Variants in ADAMTS10 observed in about 807,000 individuals in gnomAD.
The protein encoded by ADAMTS10 is ADAM metallopeptidase with thrombospondin type 1 motif 10.
In ADAMTS10, 48 loss-of-function variants were observed where a neutral mutation model predicts 135.9. The ratio of observed to expected loss-of-function variants is 0.35; its 90% confidence interval spans 0.28 to 0.45. The LOEUF is 0.45. Ranked by LOEUF, ADAMTS10 falls within the 20% of genes least tolerant of loss-of-function variation. ADAMTS10 has a pLI of 1.00. For missense variants in ADAMTS10, 1,131 were observed against 1,565.2 expected (o/e 0.72, Z 4.68); for synonymous variants, 621 against 647.5 (o/e 0.96, Z 0.62).
intron 25 of ADAMTS10, among the ~76,000 whole-genome samples, chr19:8,584,154 C>CAAAAAAAAAAAAAAAAAAAAAAA (rs34412373): frequency 6.7e-5 from 3 of 44,888 alleles, no homozygotes; most frequent in Non-Finnish European, 1.2e-4. Context: ...GACTCCATCT[C>CAAAAAAAAAAAAAAAAAAAAAAA]AAAAAAAAAA....
intron 6 of ADAMTS10, among the ~76,000 whole-genome samples, chr19:8,600,586 C>T (rs1302183359): frequency 6.7e-6 from 1 of 150,140 alleles, no homozygotes; most frequent in Non-Finnish European, 1.5e-5. Flanking sequence ...GCAAGCTCTG[C>T]CTCCCAGGTT....
chr19:8,602,546 CCTGACCTCAAGTGAT>C (rs1239003000), intron 5 of ADAMTS10, among the ~76,000 whole-genome samples: 1 of 152,150 alleles, frequency 6.6e-6, no homozygotes, highest in African/African-American at 2.4e-5. Context: ...ATCTCAATCT[CCTGACCTCAAGTGAT>C]CTGCCCATCT....
chr19:8,590,514 A>AATG (rs2042509096), intron 15 of ADAMTS10, among the ~76,000 whole-genome samples: 2 of 151,968 alleles, frequency 1.3e-5, no homozygotes, highest in Non-Finnish European at 2.9e-5. Flanking sequence ...GTTGGAGTGC[A>AATG]GTGACACAAT....
At position 8,605,557 on chromosome 19, in the gene ADAMTS10, T is replaced by G; in HGVS notation, c.88+66A>C. ...CCCAGCCCCCTGATGCCTCTTTCTG[T>G]TGGAGCCCAACTGGTCTCTTACATT... is the stretch of plus-strand genomic sequence containing the variant. On this transcript the variant is annotated intron_variant, in intron 3 of 25. Transcript: ENST00000597188. This position sits in a 1 kb window ranked among gnomAD's most constrained non-coding sequence, Gnocchi z 7.7. The G allele has an allele frequency of 6.7e-7, 1 of 1,493,392 alleles. No homozygotes were observed. The highest frequency in any genetic ancestry group is 9.1e-7 in the Non-Finnish European group (1 of 1,096,836). 92.5% of individuals were successfully genotyped at this position (1,493,392 alleles called of 1,614,324 possible).
At chr19:8,595,703 C>T in intron 12 of ADAMTS10, 59 bp downstream of exon 12, 2 of 921,880 alleles carry the variant, frequency 2.2e-6, no homozygotes, top group South Asian at 2.5e-5. Flanking sequence ...GGAGTTCCCT[C>T]CCCCAGCCCC....
At chr19:8,606,558 C>T (rs149239250) in intron 2 of ADAMTS10, among the ~76,000 whole-genome samples, 83 of 152,280 alleles carry the variant, frequency 5.5e-4, no homozygotes, top group African/African-American at 1.8e-3. Flanking sequence ...CGCATCAACA[C>T]GCCCAGCTAC....
In ADAMTS10 at chr19:8,605,706, G is replaced by C; in HGVS notation, c.5C>G (p.Ala2Gly). ...CCAGCGGAGGATCTGGCAGGCGGGA[G>C]CCATAGAGGCCACGTGTCCACATGT... is the stretch of plus-strand genomic sequence containing the variant. The part of the protein sequence containing the change: M[A>G]PACQILRWAL... The change falls in exon 3 of 26, where the codon GCT (alanine) becomes GGT (glycine). Residue 2 changes from alanine to glycine, a missense_variant. Physicochemically the swap from Ala to Gly is moderately conservative, Grantham distance 60. Coordinates refer to ENST00000597188, the MANE Select transcript of ADAMTS10 (RefSeq NM_030957.4). The surrounding 1 kb of genome is among the most constrained non-coding windows in gnomAD (Gnocchi z 7.7). 6.2e-7 allele frequency: 1 copy of C among 1,607,260 alleles called. No individual in the cohort carries two copies. Among genetic ancestry groups the C allele is most frequent in the Non-Finnish European group, 8.5e-7 (1 of 1,178,150 alleles).
chr19:8,601,248 A>C lies in ADAMTS10; in HGVS notation c.593-103T>G. 8.0e-7 allele frequency: 1 copy of C among 1,243,258 alleles called. No individual in the cohort carries two copies. 77.0% of individuals were successfully genotyped at this position (1,243,258 alleles called of 1,614,324 possible). ...CTCTGACTGGCTACCTCTCTACCCA[A>C]CAGTCTGGACAGACAATTTCTGGTC... On this transcript the variant is annotated intron_variant, in intron 5 of 25. Transcript: ENST00000597188. This position sits in a 1 kb window ranked among gnomAD's most constrained non-coding sequence, Gnocchi z 4.6.
chr19:8,602,521 AT>A (rs1353359379), intron 5 of ADAMTS10, among the ~76,000 whole-genome samples: 1 of 151,970 alleles, frequency 6.6e-6, no homozygotes, highest in Non-Finnish European at 1.5e-5. Context: ...GGGTTTCGCC[AT>A]GTTGGCCAGG....
rs782581897 is a variant in ADAMTS10 at position 8,605,112 on chromosome 19, A to C, written c.335T>G (p.Leu112Arg). 1.4e-5 allele frequency: 23 copies of C among 1,613,156 alleles called. No homozygotes were observed. Among genetic ancestry groups the C allele is most frequent in the Admixed American group, 1.7e-5 (1 of 59,960 alleles). ...VSVEYWTREG[L>R]AWQRAARPHC... is the part of the protein sequence containing the mutation. ...GGGCCGGGCCGCCCTCTGCCAGGCC[A>C]GGCCCTCCCGTGTCCAGTACTCCAC... The change falls in exon 4 of 26, where the codon CTG becomes CGG. Residue 112 changes from leucine to arginine, a missense_variant. Physicochemically the swap from Leu to Arg is moderately radical, Grantham distance 102. This residue lies in a region of ADAMTS10 where 306 missense variants were observed against 344.4 expected (regional missense o/e 0.89). Coordinates refer to ENST00000597188, the MANE Select transcript of ADAMTS10 (RefSeq NM_030957.4). This position sits in a 1 kb window ranked among gnomAD's most constrained non-coding sequence, Gnocchi z 7.7.
In ADAMTS10 at chr19:8,605,416, CT is replaced by C; in HGVS notation, c.89-59del. ...CCTGGTCTTATTGGACCCCTGTGTC[CT>C]GGCTGTTAGGCTGCTGGAGCAAGTG... On this transcript the variant is annotated intron_variant, in intron 3 of 25. Transcript: ENST00000597188. The surrounding 1 kb of genome is among the most constrained non-coding windows in gnomAD (Gnocchi z 7.7). 6.5e-7 allele frequency: 1 copy of C among 1,527,098 alleles called. No individual in the cohort carries two copies. The highest frequency in any genetic ancestry group is 2.4e-5 in the East Asian group (1 of 41,020). The allele number at this position is 1,527,098 out of a possible 1,614,324, so 94.6% of individuals were successfully genotyped here. A position where few individuals can be genotyped will look rare whatever the true frequency, so the allele number is the denominator to read the frequency against.
At position 8,596,018 on chromosome 19, in the gene ADAMTS10, C is replaced by A; in HGVS notation, c.1337+55G>T. On this transcript the variant is annotated intron_variant, in intron 11 of 25. Transcript: ENST00000597188. This position sits in a 1 kb window ranked among gnomAD's most constrained non-coding sequence, Gnocchi z 7.2. ...CCTGATTTCTATCGTCTCCCGTGTA[C>A]CCTGCCCCACCATGAGTGTGACCCG... The A allele has an allele frequency of 1.2e-6, 2 of 1,613,914 alleles. No individual in the cohort carries two copies. The highest frequency in any genetic ancestry group is 1.7e-6 in the Non-Finnish European group (2 of 1,179,880).
chr19:8,604,525 A>G (rs2146101190), intron 4 of ADAMTS10, among the ~76,000 whole-genome samples: 1 of 151,116 alleles, frequency 6.6e-6, no homozygotes, highest in South Asian at 2.1e-4. Context: ...TCTGTCACCC[A>G]TGCTGGAGGG....
chr19:8,597,063 C>T lies in ADAMTS10; in HGVS notation c.964G>A (p.Val322Met), dbSNP rs782238413. The T allele has an allele frequency of 1.6e-5, 26 of 1,614,070 alleles. No homozygotes were observed. The highest frequency in any genetic ancestry group is 2.2e-5 in the East Asian group (1 of 44,884). Reference sequence around the variant, plus strand: ...GCATTGCCATGGCCGCTGTGGTTCACGATGGATTTCTGCCACTTACAGAAG... The same window carrying T: ...GCATTGCCATGGCCGCTGTGGTTCATGATGGATTTCTGCCACTTACAGAAG... ...DSFCKWQKSI[V>M]NHSGHGNAIP... The change falls in exon 8 of 26, where the codon GTG (valine) becomes ATG (methionine). Residue 322 changes from valine to methionine, a missense_variant. Transcript: ENST00000597188.
In ADAMTS10 at chr19:8,595,707, C is replaced by T. The variant is rs575205332; in HGVS notation, c.1479+55G>A. 6.0e-5 allele frequency: 85 copies of T among 1,420,694 alleles called. 1 individual carries two copies. Among genetic ancestry groups the T allele is most frequent in the Admixed American group, 3.3e-4 (19 of 57,022 alleles). 88.0% of individuals were successfully genotyped at this position (1,420,694 alleles called of 1,614,324 possible). ...GGTGCCCTGGTGGAGTTCCCTCCCC[C>T]AGCCCCAGCGGCCCCCTCCCCTCCC... On this transcript the variant is annotated intron_variant, in intron 12 of 25. Transcript: ENST00000597188.
At chr19:8,588,936 T>C (rs1555737998) in intron 18 of ADAMTS10, among the ~76,000 whole-genome samples, 1 of 151,890 alleles carries the variant, frequency 6.6e-6, no homozygotes, top group African/African-American at 2.4e-5. Flanking sequence ...GGATTACAGG[T>C]GCTCGCCACC....
intron 12 of ADAMTS10, 37 bp downstream of exon 12, chr19:8,595,725 C>A (rs782223319): frequency 1.1e-5 from 17 of 1,591,140 alleles, no homozygotes; most frequent in Non-Finnish European, 1.4e-5. Context: ...GCGGCCCCCT[C>A]CCCTCCCAGG....
rs1600106321 is a variant in ADAMTS10 at position 8,592,695 on chromosome 19, T to G, written c.1587+68A>C. ...GATAATAGGCCGAAGGACAGGCGGG[T>G]AGGCGTGGCCAACGCGGGAGGTGGC... On this transcript the variant is annotated intron_variant, in intron 13 of 25. Coordinates refer to ENST00000597188, the MANE Select transcript of ADAMTS10 (RefSeq NM_030957.4). 99 of 1,438,922 alleles carry G rather than the reference T, an allele frequency of 6.9e-5. No homozygotes were observed. The Middle Eastern group carries it at 6.9e-4, about 10-fold the overall frequency. 89.1% of individuals were successfully genotyped at this position (1,438,922 alleles called of 1,614,324 possible).
At position 8,589,805 on chromosome 19, in the gene ADAMTS10, G is replaced by A. The variant is rs553285477; in HGVS notation, c.1900+84C>T. The stretch of plus-strand genomic sequence containing the variant: ...GGGGACAGGGCTCAGGGCAGACCCC[G>A]GGATGCTGCATTCATCCACCTGCTG... On this transcript the variant is annotated intron_variant, in intron 16 of 25. Coordinates refer to ENST00000597188, the MANE Select transcript of ADAMTS10 (RefSeq NM_030957.4). 7.1e-5 allele frequency: 104 copies of A among 1,466,284 alleles called. No homozygotes were observed. In the African/African-American group the frequency reaches 1.1e-3, roughly 15 times the overall value. 90.8% of individuals were successfully genotyped at this position (1,466,284 alleles called of 1,614,324 possible). A position where few individuals can be genotyped will look rare whatever the true frequency, so the allele number is the denominator to read the frequency against.
Sources: allele counts gnomAD v4.1 joint callset (sites outside exome capture counted in the v4.1 genomes callset), GRCh38; gene constraint gnomAD v4.1.1; regional missense constraint gnomAD v4.1.1; non-coding constraint Gnocchi (gnomAD v3.1); transcripts MANE v1.5; gene names NCBI Gene and HGNC (gene_info 2026-07-23, HGNC 2026-07-21).